CAST: variants seen among roughly 807,000 people sequenced by gnomAD.
CAST encodes MIR583 host.
In CAST, 76 loss-of-function variants were observed where a neutral mutation model predicts 119.6. The ratio of observed to expected loss-of-function variants is 0.64; its 90% confidence interval spans 0.53 to 0.77. The LOEUF is 0.77. CAST is among the 30% of genes least tolerant of loss of function. The pLI is 0.00. For missense variants in CAST, 953 were observed against 946.5 expected (o/e 1.01, Z -0.09); for synonymous variants, 319 against 331.6 (o/e 0.96, Z 0.41).
intron 3 of CAST, among the ~76,000 whole-genome samples, chr5:96,702,098 G>A (rs1753976547): frequency 6.6e-6 from 1 of 152,164 alleles, no homozygotes; most frequent in Non-Finnish European, 1.5e-5. Flanking sequence ...TCCTCAAACA[G>A]TGACCAACAC....
At chr5:96,619,570 T>C (rs1308506469) in intron 1 of CAST, among the ~76,000 whole-genome samples, 2 of 152,252 alleles carry the variant, frequency 1.3e-5, no homozygotes, top group African/African-American at 4.8e-5. Flanking sequence ...GCAATAAATC[T>C]TGCTGTTCCT....
At chr5:96,396,561 C>A in the CAST span, among the ~76,000 whole-genome samples, 390 of 122,138 alleles carry the variant, frequency 3.2e-3, no homozygotes, top group African/African-American at 2.8e-3. Flanking sequence ...GACTCCGTCT[C>A]AAAAAAAAAA....
At chr5:96,102,397 C>T in the CAST span, among the ~76,000 whole-genome samples, 1 of 152,176 alleles carries the variant, frequency 6.6e-6, no homozygotes, top group Non-Finnish European at 1.5e-5. Context: ...AGTCAAGTCA[C>T]CTCCAGTCGA....
chr5:96,040,400 C>G, the CAST span, among the ~76,000 whole-genome samples: 2 of 152,114 alleles, frequency 1.3e-5, no homozygotes, highest in African/African-American at 4.8e-5. Context: ...CCAGGACTTT[C>G]AATACTATGT....
chr5:96,071,085 C>T, the CAST span, among the ~76,000 whole-genome samples: 1 of 152,086 alleles, frequency 6.6e-6, no homozygotes, highest in African/African-American at 2.4e-5. Flanking sequence ...AGGTGCTTTG[C>T]CTTAGGCCAA....
chr5:96,206,899 A>G, the CAST span, among the ~76,000 whole-genome samples: 9 of 151,988 alleles, frequency 5.9e-5, no homozygotes, highest in African/African-American at 1.9e-4. Flanking sequence ...TGTGGGCAGT[A>G]TGGCCATTTT....
intron 1 of CAST, among the ~76,000 whole-genome samples, chr5:96,612,547 A>G (rs1283553239): frequency 6.6e-6 from 1 of 152,188 alleles, no homozygotes; most frequent in Non-Finnish European, 1.5e-5. Context: ...TATCCACGTA[A>G]CAAACCTGCA....
At chr5:96,740,530 A>G (rs1215104634) in intron 12 of CAST, among the ~76,000 whole-genome samples, 3 of 152,060 alleles carry the variant, frequency 2.0e-5, no homozygotes, top group African/African-American at 7.3e-5. Flanking sequence ...CGCGCATCAT[A>G]TTGGAGTAGG....
chr5:96,224,922 C>A, the CAST span, among the ~76,000 whole-genome samples: 1 of 152,180 alleles, frequency 6.6e-6, no homozygotes, highest in African/African-American at 2.4e-5. Flanking sequence ...CTCATGTGCC[C>A]ACCCCTAAAT....
At chr5:96,389,146 G>A in the CAST span, among the ~76,000 whole-genome samples, 3 of 152,116 alleles carry the variant, frequency 2.0e-5, no homozygotes, top group African/African-American at 4.8e-5. Flanking sequence ...TAATGTTGTA[G>A]TTATGTAGGA....
chr5:96,206,823 TTTCTC>T, the CAST span, among the ~76,000 whole-genome samples: 1 of 151,942 alleles, frequency 6.6e-6, no homozygotes, highest in African/African-American at 2.4e-5. Flanking sequence ...TTAAAATAGT[TTTCTC>T]TAATTCTGTG....
At chr5:96,350,633 C>T in the CAST span, among the ~76,000 whole-genome samples, 1 of 152,080 alleles carries the variant, frequency 6.6e-6, no homozygotes, top group Admixed American at 6.6e-5. Context: ...TTGCCTGACA[C>T]AATTCCCAGC....
At chr5:96,461,571 G>A in the CAST span, among the ~76,000 whole-genome samples, 1,725 of 152,142 alleles carry the variant, frequency 0.011, 18 homozygotes, top group Non-Finnish European at 0.019. Context: ...TTTTAGATTA[G>A]ATAGAATGAT....
chr5:96,298,241 G>T, the CAST span, among the ~76,000 whole-genome samples: 2 of 152,150 alleles, frequency 1.3e-5, no homozygotes, highest in Non-Finnish European at 2.9e-5. Flanking sequence ...AGAGGCCTGG[G>T]CTCAGAATAT....
At chr5:96,412,418 A>C in the CAST span, 1 of 1,613,900 alleles carries the variant, frequency 6.2e-7, no homozygotes, top group East Asian at 2.2e-5. Flanking sequence ...GTAAATATCC[A>C]CGTGTCCAGG....
the CAST span, chr5:96,412,485 TTATGCCTGA>T: frequency 3.1e-6 from 5 of 1,613,780 alleles, no homozygotes; most frequent in Non-Finnish European, 4.2e-6. Context: ...TCCAGCATTC[TTATGCCTGA>T]GAAACAAAAT....
intron 1 of CAST, among the ~76,000 whole-genome samples, chr5:96,607,236 C>T (rs931522914): frequency 1.3e-5 from 2 of 152,028 alleles, no homozygotes; most frequent in Admixed American, 6.6e-5. Flanking sequence ...TGCAGTGAGC[C>T]GAGATCGCAC....
rs1746922049 is a variant in CAST, at chr5:96,589,276, G to A, written c.60+59396G>A. Among the ~76,000 whole-genome samples the A allele has an allele frequency of 2.6e-5, 4 of 152,210 alleles. 1 individual carries two copies. The South Asian group carries it at 8.3e-4, about 32-fold the overall frequency. On this transcript the variant is annotated intron_variant, in intron 1 of 11. Coordinates refer to the CAST transcript ENST00000505143. ...AAACTTTTCAAGGACATTCAAGAAA[G>A]ATGCTTGGATCTTTTGTAAACATGT...
chr5:96,761,112 C>T (rs1232846594), intron 24 of CAST: 1 of 151,996 alleles, frequency 6.6e-6, no homozygotes, highest in African/African-American at 2.4e-5. Context: ...TTATTTTATG[C>T]TTTTGTGTAG....
Sources: allele counts gnomAD v4.1 joint callset (sites outside exome capture counted in the v4.1 genomes callset), GRCh38; gene constraint gnomAD v4.1.1; transcripts MANE v1.5; gene names NCBI Gene and HGNC (gene_info 2026-07-23, HGNC 2026-07-21).